Variants in CACNA1C observed in about 807,000 individuals in gnomAD.
CACNA1C encodes the protein voltage-dependent L-type calcium channel subunit alpha-1C.
Under a neutral mutation model 229.0 loss-of-function variants are expected in CACNA1C, and 30 were observed. That is an observed-to-expected ratio of 0.13 (90% confidence interval 0.10 to 0.18). CACNA1C has a LOEUF of 0.18. Among genes scored for constraint, CACNA1C ranks in the 10% least tolerant of loss-of-function variants. CACNA1C has a pLI of 1.00. For synonymous variants in CACNA1C, 1,114 were observed against 1,132.5 expected, an observed-to-expected ratio of 0.98 and a Z score of 0.33; for missense variants, 1,658 against 2,845.0, an observed-to-expected ratio of 0.58 and a Z score of 9.49.
At chr12:2,476,446 G>A (rs1355892986) in intron 5 of CACNA1C, among the ~76,000 whole-genome samples, 2 of 152,202 alleles carry the variant, frequency 1.3e-5, no homozygotes, top group Admixed American at 1.3e-4. Flanking sequence ...TATTAAGACG[G>A]CTGGGGAATT....
chr12:2,584,048 G>T (rs939875828), intron 15 of CACNA1C, among the ~76,000 whole-genome samples: 1 of 152,220 alleles, frequency 6.6e-6, no homozygotes, highest in Admixed American at 6.5e-5. Context: ...CCCTCCAAGG[G>T]TCTTCGTGGG....
intron 1 of CACNA1C, among the ~76,000 whole-genome samples, chr12:2,006,389 T>C (rs569669492): frequency 2.7e-4 from 41 of 152,116 alleles, no homozygotes; most frequent in African/African-American, 8.7e-4. Context: ...GCCTGGGTGA[T>C]AGAGCGAGAC....
chr12:2,307,449 A>G (rs1003942), intron 3 of CACNA1C, among the ~76,000 whole-genome samples: 1 of 152,212 alleles, frequency 6.6e-6, no homozygotes, highest in South Asian at 2.1e-4. Context: ...ACTAGCACCC[A>G]GCTCCCTGCT....
intron 3 of CACNA1C, among the ~76,000 whole-genome samples, chr12:2,438,317 G>A (rs1368398694): frequency 6.7e-6 from 1 of 149,134 alleles, no homozygotes; most frequent in Non-Finnish European, 1.5e-5. Flanking sequence ...GGTGGTTGTG[G>A]TGATGGTGGG....
chr12:2,322,334 G>A (rs1488333721), intron 3 of CACNA1C, among the ~76,000 whole-genome samples: 1 of 152,150 alleles, frequency 6.6e-6, no homozygotes, highest in Non-Finnish European at 1.5e-5. Context: ...GAAGCCAGCA[G>A]GTGGACTAAG....
intron 3 of CACNA1C, among the ~76,000 whole-genome samples, chr12:2,366,175 C>T (rs1250335246): frequency 6.6e-6 from 1 of 152,210 alleles, no homozygotes; most frequent in African/African-American, 2.4e-5. Context: ...AAATGAGCCT[C>T]ACCCCTGCCA....
chr12:2,107,555 G>T (rs1227343317), intron 1 of CACNA1C, among the ~76,000 whole-genome samples: 1 of 152,280 alleles, frequency 6.6e-6, no homozygotes, highest in African/African-American at 2.4e-5. Context: ...GGGGTGTCCT[G>T]AGGATTTCTC....
chr12:2,038,147 A>T (rs983461177), intron 1 of CACNA1C, among the ~76,000 whole-genome samples: 2 of 152,240 alleles, frequency 1.3e-5, no homozygotes, highest in African/African-American at 4.8e-5. Flanking sequence ...ACTGGAGAAA[A>T]GAGACATGAT....
At chr12:2,550,462 G>A (rs1443691994) in intron 10 of CACNA1C, 18 of 1,169,174 alleles carry the variant, frequency 1.5e-5, no homozygotes, top group Non-Finnish European at 2.0e-5. Flanking sequence ...ATGTGACCTG[G>A]GAGAGAAGCA....
intron 3 of CACNA1C, among the ~76,000 whole-genome samples, chr12:2,428,137 G>A (rs1402974297): frequency 5.3e-5 from 3 of 56,490 alleles, no homozygotes; most frequent in Non-Finnish European, 1.1e-4. Flanking sequence ...CTTATGTACT[G>A]TCTGTTCAAA....
chr12:2,320,560 A>G (rs2095929528), intron 3 of CACNA1C, among the ~76,000 whole-genome samples: 1 of 152,196 alleles, frequency 6.6e-6, no homozygotes, highest in African/African-American at 2.4e-5. Flanking sequence ...GCATTAGTGG[A>G]TACCGTAAGG....
intron 4 of CACNA1C, among the ~76,000 whole-genome samples, chr12:2,450,553 CAAAA>C (rs796416420): frequency 2.7e-3 from 107 of 38,988 alleles, no homozygotes; most frequent in African/African-American, 8.2e-3. Flanking sequence ...GACTCCATCT[CAAAA>C]AAAAAAAAAA....
At chr12:2,548,008 C>T (rs938375702) in intron 9 of CACNA1C, among the ~76,000 whole-genome samples, 11 of 152,152 alleles carry the variant, frequency 7.2e-5, no homozygotes, top group South Asian at 2.1e-4. Context: ...ACTTTTTCTA[C>T]GTGGCCTAGC....
At position 2,689,641 on chromosome 12, in the gene CACNA1C, G is replaced by T. The variant is rs1162959872; in HGVS notation, c.6117+862G>T. The stretch of plus-strand genomic sequence containing the variant: ...GCTCATCCGGGCGTCAGGCTGTGGT[G>T]CAGGAGGTGGGGCGTTAAACCAGGT... On this transcript the variant is annotated intron_variant, in intron 46 of 46. Transcript: ENST00000399655. This position sits in a 1 kb window ranked among gnomAD's most constrained non-coding sequence, Gnocchi z 4.2. 6.6e-6 allele frequency among the ~76,000 whole-genome samples: 1 copy of T among 152,014 alleles called. No homozygotes were observed. Among genetic ancestry groups the T allele is most frequent in the South Asian group, 2.1e-4 (1 of 4,822 alleles).
chr12:2,184,583 T>C lies in CACNA1C; in HGVS notation c.477+64153T>C, dbSNP rs2096939018. ...ACATCTAGAATATGAACTTGTCGAG[T>C]GCTTAAGTATCTTTCTACATAGTTT... On this transcript the variant is annotated intron_variant, in intron 3 of 46. Coordinates refer to ENST00000399655, the MANE Select transcript of CACNA1C (RefSeq NM_000719.7). 2.0e-5 allele frequency among the ~76,000 whole-genome samples: 3 copies of C among 152,160 alleles called. 1 individual carries two copies. The South Asian group carries it at 6.2e-4, about 32-fold the overall frequency.
chr12:2,572,310 TCC>T (rs2055046050), intron 13 of CACNA1C, among the ~76,000 whole-genome samples: 2 of 145,980 alleles, frequency 1.4e-5, no homozygotes, highest in African/African-American at 5.0e-5. Flanking sequence ...CTCCTCCTCC[TCC>T]TCCTCCTCTT....
At chr12:2,248,879 T>C (rs923216407) in intron 3 of CACNA1C, among the ~76,000 whole-genome samples, 3 of 152,318 alleles carry the variant, frequency 2.0e-5, no homozygotes, top group Admixed American at 2.0e-4. Context: ...TTTCTCCCTC[T>C]GTACAATGAG....
intron 3 of CACNA1C, among the ~76,000 whole-genome samples, chr12:2,235,756 C>T (rs1439363007): frequency 6.6e-6 from 1 of 152,170 alleles, no homozygotes; most frequent in Non-Finnish European, 1.5e-5. Flanking sequence ...AACAAAGAAG[C>T]TGTCTCTGGC....
At chr12:2,565,946 A>C (rs1478083173) in intron 11 of CACNA1C, among the ~76,000 whole-genome samples, 1 of 152,192 alleles carries the variant, frequency 6.6e-6, no homozygotes, top group Non-Finnish European at 1.5e-5. Flanking sequence ...TCTCCTCCAC[A>C]AAAATCAGGA....
Sources: gnomAD v4.1 joint callset for allele counts (sites outside exome capture counted in the v4.1 genomes callset) on GRCh38, gnomAD v4.1.1 for gene constraint, Gnocchi (gnomAD v3.1) non-coding constraint, MANE v1.5 for transcripts, NCBI Gene and HGNC (gene_info 2026-07-23, HGNC 2026-07-21) for gene names.